The following DNAH7 variants were observed in gnomAD, a reference collection of about 807,000 sequenced individuals.
DNAH7 encodes the protein dynein axonemal heavy chain 7.
Under a neutral mutation model 444.6 loss-of-function variants are expected in DNAH7, and 397 were observed. The ratio of observed to expected loss-of-function variants is 0.89; its 90% CI spans 0.82 to 0.97. The LOEUF (loss-of-function observed/expected upper bound fraction) is 0.97. Ranked by LOEUF, DNAH7 falls within the 50% of genes least tolerant of loss-of-function variation. DNAH7 has a pLI of 0.00. For synonymous variants in DNAH7, 1,636 were observed against 1,624.4 expected, an observed-to-expected ratio of 1.01 and a Z score of -0.17; for missense variants, 4,902 against 4,800.8, an observed-to-expected ratio of 1.02 and a Z score of -0.62.
Position 195,895,004 on chromosome 2 carries a change from G to C in DNAH7, c.4868C>G (p.Ala1623Gly), listed in dbSNP as rs1702221871. The C allele has an allele frequency of 6.2e-7, 1 of 1,610,570 alleles. No individual in the cohort carries two copies. The highest frequency in any genetic ancestry group is 1.3e-5 in the African/African-American group (1 of 74,874). The change falls in exon 30 of 65, where the codon GCT (alanine) becomes GGT (glycine). Residue 1623 changes from alanine (A) to glycine (G), a missense_variant. Physicochemically the swap from Ala to Gly is moderately conservative, Grantham distance 60 (BLOSUM62 0). Transcript: ENST00000312428. ...TTCACATATATCATTTAGTGCTCCA[G>C]CTAAGACACGATATGCACTAGTTTT... ...GGKTSAYRVL[A>G]GALNDICEKG...
At chr2:195,870,013 T>C (rs1014595488) in intron 40 of DNAH7, among the ~76,000 whole-genome samples, 1 of 152,166 alleles carries the variant, frequency 6.6e-6, no homozygotes, top group African/African-American at 2.4e-5. Context: ...GTCTAACACA[T>C]ATACAATAGC....
chr2:195,853,609 G>A (rs1699520729), intron 45 of DNAH7, 81 bp from the exon 46 acceptor site: 2 of 1,345,702 alleles, frequency 1.5e-6, no homozygotes, highest in Non-Finnish European at 2.0e-6. Flanking sequence ...CCTCAGAAGT[G>A]AATTATTATT....
chr2:195,970,969 G>T (rs1463452560), intron 16 of DNAH7, among the ~76,000 whole-genome samples: 2 of 151,746 alleles, frequency 1.3e-5, no homozygotes, highest in African/African-American at 2.4e-5. Context: ...AATAATTCTG[G>T]GCCACTTAGC....
At chr2:195,981,874 T>C (rs528395596) in intron 15 of DNAH7, among the ~76,000 whole-genome samples, 3 of 152,246 alleles carry the variant, frequency 2.0e-5, no homozygotes, top group East Asian at 1.9e-4. Flanking sequence ...CAAGGAAACA[T>C]TGGAGAAACT....
rs144283889 is a variant in DNAH7 at position 195,915,935 on chromosome 2, T to C, written c.3936-5740A>G. Among the ~76,000 whole-genome samples, 6 of 152,332 alleles carry C rather than the reference T, an allele frequency of 3.9e-5. No individual in the cohort carries two copies. In the East Asian group the frequency reaches 1.2e-3, roughly 29 times the overall value. ...AGCCACTTATAAACTAATAGTTTATTTTCCATTACTTTAGCTCTTTAGGTG... is the reference window on the plus strand; with the variant it reads ...AGCCACTTATAAACTAATAGTTTATCTTCCATTACTTTAGCTCTTTAGGTG... On this transcript the variant is annotated intron_variant, in intron 24 of 64. Coordinates refer to ENST00000312428, the MANE Select transcript of DNAH7 (RefSeq NM_018897.3).
rs141210821 is a variant in DNAH7 at position 195,890,374 on chromosome 2, A to G, written c.5046+1281T>C. Among the ~76,000 whole-genome samples, 114 of 152,340 alleles carry G rather than the reference A, an allele frequency of 7.5e-4. 2 individuals are homozygous for G. In the East Asian group the frequency reaches 0.017, roughly 23 times the overall value. ...TGGGCTTCACAGTCTCAAGGACCTCACTTTTCATTTGACTCTACTACTTAT... is the reference window on the plus strand; with the variant it reads ...TGGGCTTCACAGTCTCAAGGACCTCGCTTTTCATTTGACTCTACTACTTAT... On this transcript the variant is annotated intron_variant, in intron 31 of 64. Transcript: ENST00000312428.
intron 1 of DNAH7, among the ~76,000 whole-genome samples, chr2:196,066,706 A>T (rs1282191251): frequency 1.3e-5 from 2 of 152,228 alleles, no homozygotes; most frequent in Admixed American, 1.3e-4. Flanking sequence ...GAAAAATTCC[A>T]TGTCACTCTC....
intron 21 of DNAH7, among the ~76,000 whole-genome samples, chr2:195,933,427 C>G (rs1041106550): frequency 4.6e-5 from 7 of 152,158 alleles, no homozygotes; most frequent in Non-Finnish European, 8.8e-5. Context: ...ATAAATCATG[C>G]TGCTATAAAG....
intron 47 of DNAH7, 82 bp downstream of exon 47, chr2:195,844,920 G>C (rs1466284840): frequency 7.9e-7 from 1 of 1,261,026 alleles, no homozygotes; most frequent in African/African-American, 1.5e-5. Flanking sequence ...GTAAAAGTTT[G>C]CTACCTAAAA....
chr2:195,772,016 T>G, intron 60 of DNAH7, 126 bp from the exon 61 acceptor site: 2 of 776,750 alleles, frequency 2.6e-6, no homozygotes, highest in Non-Finnish European at 4.2e-6. Flanking sequence ...ATGATCCATC[T>G]CCACACAAGA....
At chr2:195,843,439 TA>T (rs1330148967) in intron 47 of DNAH7, among the ~76,000 whole-genome samples, 1 of 152,224 alleles carries the variant, frequency 6.6e-6, no homozygotes, top group Non-Finnish European at 1.5e-5. Context: ...ATAAAATAAT[TA>T]AATTTAACTT....
rs879883150 is a variant in DNAH7, at chr2:195,990,809, GTGTA to G, written c.1354-2584_1354-2581del. On this transcript the variant is annotated intron_variant, in intron 12 of 64. Coordinates refer to ENST00000312428, the MANE Select transcript of DNAH7 (RefSeq NM_018897.3). Reference sequence around the variant, plus strand: ...TGTGTGTGTGTGTGTGTGTGTGTGTGTGTATATATATATACTTAAATATATATAC... The same window carrying G: ...TGTGTGTGTGTGTGTGTGTGTGTGTGTATATATATACTTAAATATATATAC... Among the ~76,000 whole-genome samples, 1,040 of 126,968 alleles carry G rather than the reference GTGTA, an allele frequency of 8.2e-3. 19 individuals carry two copies. Among genetic ancestry groups the G allele is most frequent in the African/African-American group, 0.026 (892 of 34,530 alleles). The allele number at this position is 126,968 out of a possible 152,430, so 83.3% of individuals were successfully genotyped here. A position where few individuals can be genotyped will look rare whatever the true frequency, so the allele number is the denominator to read the frequency against.
At chr2:195,820,800 G>C (rs1424951445) in intron 49 of DNAH7, among the ~76,000 whole-genome samples, 2 of 152,114 alleles carry the variant, frequency 1.3e-5, no homozygotes, top group African/African-American at 4.8e-5. Context: ...ATGTGAACTA[G>C]GAGAGAAGAA....
intron 49 of DNAH7, among the ~76,000 whole-genome samples, chr2:195,820,508 C>T (rs953017965): frequency 4.6e-5 from 7 of 151,292 alleles, no homozygotes; most frequent in African/African-American, 1.7e-4. Context: ...CTTGAAAATG[C>T]TACAAAAATT....
At chr2:195,738,285 A>G (rs569695983) in intron 64 of DNAH7, among the ~76,000 whole-genome samples, 158 bp from the exon 65 acceptor site, 2 of 152,306 alleles carry the variant, frequency 1.3e-5, no homozygotes, top group East Asian at 3.9e-4. Context: ...TGCTCAAAAC[A>G]TTTTATAGAA....
At chr2:196,004,831 T>C (rs967157524) in intron 10 of DNAH7, among the ~76,000 whole-genome samples, 1 of 151,452 alleles carries the variant, frequency 6.6e-6, no homozygotes, top group Non-Finnish European at 1.5e-5. Context: ...CATGGTGACA[T>C]GCGCCTGTGT....
intron 19 of DNAH7, among the ~76,000 whole-genome samples, chr2:195,950,406 A>G: frequency 6.6e-6 from 1 of 152,174 alleles, no homozygotes; most frequent in East Asian, 1.9e-4. Flanking sequence ...AGGTGTTTAT[A>G]GTAATCTCTG....
In DNAH7 at chr2:195,777,865, A is replaced by T; in HGVS notation, c.10999T>A (p.Leu3667Ile). ...AACTTATAGTCTGAATTTTCAACTA[A>T]TTCGGGATTGAAGAATTTGTTTAGA... is the stretch of plus-strand genomic sequence containing the variant. ...SILNKFFNPELVENSDYKFDS... is the reference protein window; with the variant it reads ...SILNKFFNPEIVENSDYKFDS... The change falls in exon 59 of 65, where the codon TTA (leucine) becomes ATA (isoleucine). Residue 3667 changes from leucine (L) to isoleucine (I), a missense_variant. Coordinates refer to ENST00000312428, the MANE Select transcript of DNAH7 (RefSeq NM_018897.3). The T allele has an allele frequency of 6.2e-7, 1 of 1,614,164 alleles. No homozygotes were observed. The highest frequency in any genetic ancestry group is 1.7e-5 in the Admixed American group (1 of 60,032).
At chr2:195,946,666 ACT>A (rs149085409) in intron 19 of DNAH7, among the ~76,000 whole-genome samples, 20 of 151,398 alleles carry the variant, frequency 1.3e-4, no homozygotes, top group Non-Finnish European at 2.4e-4. Flanking sequence ...TTTTACCCTC[ACT>A]CTCTCTTTCT....
Sources: allele counts gnomAD v4.1 joint callset (sites outside exome capture counted in the v4.1 genomes callset), GRCh38; gene constraint gnomAD v4.1.1; transcripts MANE v1.5; gene names NCBI Gene and HGNC (gene_info 2026-07-23, HGNC 2026-07-21).